Variants in IFFO2 observed in about 807,000 individuals in gnomAD.
The protein encoded by IFFO2 is intermediate filament family orphan 2.
In IFFO2, 19 loss-of-function variants were observed where a neutral mutation model predicts 53.5. The ratio of observed to expected loss-of-function variants is 0.36; its 90% confidence interval spans 0.25 to 0.52. IFFO2 has a LOEUF of 0.52. IFFO2 is among the 20% of genes least tolerant of loss of function. The probability of loss-of-function intolerance (pLI) is 0.94; values close to 1 mark genes in which losing one functional copy is unlikely to be tolerated. For missense variants in IFFO2, 570 were observed against 727.4 expected, an observed-to-expected ratio of 0.78 and a Z score of 2.49; for synonymous variants, 303 against 313.6, an observed-to-expected ratio of 0.97 and a Z score of 0.36.
chr1:18,955,230 AGTG>A (rs1936708430), intron 1 of IFFO2, among the ~76,000 whole-genome samples: 1 of 152,156 alleles, frequency 6.6e-6, no homozygotes, highest in Admixed American at 6.5e-5. Context: ...ACTAGCCAGG[AGTG>A]GTTAAAATCT....
intron 5 of IFFO2, among the ~76,000 whole-genome samples, chr1:18,915,477 C>T (rs754851175): frequency 6.6e-5 from 10 of 152,134 alleles, no homozygotes; most frequent in Non-Finnish European, 1.5e-4. Context: ...CTGGCGCCAG[C>T]AGGCTCGCCC....
intron 8 of IFFO2, 131 bp downstream of exon 8, chr1:18,910,211 A>G (rs556343770): frequency 7.7e-6 from 8 of 1,044,330 alleles, no homozygotes; most frequent in Non-Finnish European, 1.1e-5. Flanking sequence ...GGATGGATGG[A>G]TGGACGGACG....
At position 18,919,973 on chromosome 1, in the gene IFFO2, C is replaced by T. The variant is rs1042887741; in HGVS notation, c.727-200G>A. The stretch of plus-strand genomic sequence containing the variant: ...TGACTGCTTAAAACACTTTTCAAAG[C>T]GTTATCTATTACGTGGGAAAATCCA... On this transcript the variant is annotated intron_variant, in intron 2 of 8. Transcript: ENST00000455833. The surrounding 1 kb of genome is among the most constrained non-coding windows in gnomAD (Gnocchi z 4.9). Among the ~76,000 whole-genome samples the T allele has an allele frequency of 5.9e-5, 9 of 152,188 alleles. No homozygotes were observed. The highest frequency in any genetic ancestry group is 1.7e-4 in the African/African-American group (7 of 41,436).
intron 5 of IFFO2, among the ~76,000 whole-genome samples, chr1:18,914,822 C>CA (rs71030111): frequency 0.21 from 15,418 of 71,756 alleles, 1,990 homozygotes; most frequent in African/African-American, 0.42. Flanking sequence ...GGCTCCATCT[C>CA]AAAAAAAAAA....
chr1:18,918,238 C>A lies in IFFO2; in HGVS notation c.963+124G>T, dbSNP rs1434089166. The A allele has an allele frequency of 2.2e-6, 2 of 910,232 alleles. No individual in the cohort carries two copies. Among genetic ancestry groups the A allele is most frequent in the Non-Finnish European group, 3.4e-6 (2 of 596,110 alleles). 56.4% of individuals were successfully genotyped at this position (910,232 alleles called of 1,614,324 possible). A position where few individuals can be genotyped will look rare whatever the true frequency, so the allele number is the denominator to read the frequency against. On this transcript the variant is annotated intron_variant, in intron 4 of 8. Transcript: ENST00000455833. This position sits in a 1 kb window ranked among gnomAD's most constrained non-coding sequence, Gnocchi z 5.2. ...AGGCCACAGGGTCAGGTAGTGCTACCTCTCGGGGAAGGGGAGGGAGTGAGT... is the reference window on the plus strand; with the variant it reads ...AGGCCACAGGGTCAGGTAGTGCTACATCTCGGGGAAGGGGAGGGAGTGAGT...
chr1:18,933,643 A>G (rs1019481473), intron 1 of IFFO2, among the ~76,000 whole-genome samples: 1 of 152,140 alleles, frequency 6.6e-6, no homozygotes, highest in African/African-American at 2.4e-5. Context: ...TTATAGTCCC[A>G]GATACTCAGG....
intron 1 of IFFO2, among the ~76,000 whole-genome samples, chr1:18,931,920 A>C (rs1936380943): frequency 6.6e-6 from 1 of 152,248 alleles, no homozygotes; most frequent in East Asian, 1.9e-4. Flanking sequence ...ACATGGGGTC[A>C]CAGTCACTGA....
At position 18,925,746 on chromosome 1, in the gene IFFO2, C is replaced by T. The variant is rs149804805; in HGVS notation, c.666-4625G>A. 3.2e-3 allele frequency among the ~76,000 whole-genome samples: 489 copies of T among 151,716 alleles called. 3 individuals carry two copies. Among genetic ancestry groups the T allele is most frequent in the Non-Finnish European group, 5.4e-3 (370 of 67,926 alleles). On this transcript the variant is annotated intron_variant, in intron 1 of 8. Coordinates refer to ENST00000455833, the MANE Select transcript of IFFO2 (RefSeq NM_001136265.2). ...ACTTGCTAAGGAGTCAGACATTTAT[C>T]GAATGGATTGGTTGGATGGATGGAT... is the stretch of plus-strand genomic sequence containing the variant.
intron 1 of IFFO2, among the ~76,000 whole-genome samples, chr1:18,945,146 T>C (rs1480481540): frequency 6.6e-6 from 1 of 152,186 alleles, no homozygotes; most frequent in Non-Finnish European, 1.5e-5. Flanking sequence ...CTAGGTGATG[T>C]CACCTCCAGG....
chr1:18,921,776 A>G (rs1267794347), intron 1 of IFFO2, among the ~76,000 whole-genome samples: 1 of 152,112 alleles, frequency 6.6e-6, no homozygotes, highest in East Asian at 1.9e-4. Flanking sequence ...AGCGTTTACT[A>G]TGTGCCAAGC....
chr1:18,913,908 G>A (rs1290728181), intron 5 of IFFO2, among the ~76,000 whole-genome samples: 1 of 152,174 alleles, frequency 6.6e-6, no homozygotes, highest in Non-Finnish European at 1.5e-5. Flanking sequence ...TCGGCTCACT[G>A]CAGGCTCCGC....
intron 1 of IFFO2, among the ~76,000 whole-genome samples, chr1:18,940,502 A>C (rs1012642483): frequency 6.6e-6 from 1 of 152,152 alleles, no homozygotes; most frequent in African/African-American, 2.4e-5. Flanking sequence ...AAGCCCAAGC[A>C]TAGGGACTGA....
Position 18,918,801 on chromosome 1 carries a change from A to G in IFFO2, c.823-299T>C, listed in dbSNP as rs1334959683. On this transcript the variant is annotated intron_variant, in intron 3 of 8. Coordinates refer to ENST00000455833, the MANE Select transcript of IFFO2 (RefSeq NM_001136265.2). This position sits in a 1 kb window ranked among gnomAD's most constrained non-coding sequence, Gnocchi z 5.2. ...GTCCGTGTTCACTTTGTTAGAGCGAAGAAAAAAGACAACTCCCGCTGGAGA... is the reference window on the plus strand; with the variant it reads ...GTCCGTGTTCACTTTGTTAGAGCGAGGAAAAAAGACAACTCCCGCTGGAGA... 6.6e-6 allele frequency among the ~76,000 whole-genome samples: 1 copy of G among 152,102 alleles called. No homozygotes were observed. The highest frequency in any genetic ancestry group is 2.4e-5 in the African/African-American group (1 of 41,402).
At chr1:18,945,092 C>T (rs532332947) in intron 1 of IFFO2, among the ~76,000 whole-genome samples, 2 of 152,308 alleles carry the variant, frequency 1.3e-5, no homozygotes, top group African/African-American at 4.8e-5. Context: ...CTGGAACACC[C>T]TCTCTCCTTC....
At chr1:18,908,952 T>G (rs1335184032) in intron 8 of IFFO2, among the ~76,000 whole-genome samples, 1 of 152,052 alleles carries the variant, frequency 6.6e-6, no homozygotes, top group Admixed American at 6.5e-5. Context: ...ACCTAACCCA[T>G]GTCTGGGCAT....
intron 1 of IFFO2, among the ~76,000 whole-genome samples, chr1:18,948,126 T>C (rs1936613149): frequency 7.6e-6 from 1 of 130,754 alleles, no homozygotes; most frequent in Non-Finnish European, 1.8e-5. Context: ...TCACTGCACC[T>C]AGCACAAAGT....
chr1:18,916,948 C>T lies in IFFO2; in HGVS notation c.1058G>A (p.Gly353Asp). Reference sequence around the variant, plus strand: ...CATCTCATCGGTGATGTTCATGGAGCCGACCTCATCGTCCGAGAACCGGTT... The same window carrying T: ...CATCTCATCGGTGATGTTCATGGAGTCGACCTCATCGTCCGAGAACCGGTT... ...EVNRFSDDEV[G>D]SMNITDEMKR... The change falls in exon 5 of 9, where the codon GGC becomes GAC. Residue 353 changes from glycine (G) to aspartate (D), a missense_variant. Transcript: ENST00000455833. This position sits in a 1 kb window ranked among gnomAD's most constrained non-coding sequence, Gnocchi z 4.3. 6.4e-7 allele frequency: 1 copy of T among 1,551,916 alleles called. No homozygotes were observed. Among genetic ancestry groups the T allele is most frequent in the Non-Finnish European group, 8.7e-7 (1 of 1,147,054 alleles).
chr1:18,952,228 G>A (rs550364649), intron 1 of IFFO2, among the ~76,000 whole-genome samples: 6 of 152,284 alleles, frequency 3.9e-5, no homozygotes, highest in East Asian at 3.9e-4. Context: ...CCAAATCAAC[G>A]CTTGACAACC....
chr1:18,941,128 C>A (rs1936515429), intron 1 of IFFO2, among the ~76,000 whole-genome samples: 1 of 152,224 alleles, frequency 6.6e-6, no homozygotes, highest in Non-Finnish European at 1.5e-5. Context: ...ATGGACATAC[C>A]CACAGCCACC....
Sources: gnomAD v4.1 joint callset for allele counts (sites outside exome capture counted in the v4.1 genomes callset) on GRCh38, gnomAD v4.1.1 for gene constraint, Gnocchi (gnomAD v3.1) non-coding constraint, MANE v1.5 for transcripts, NCBI Gene and HGNC (gene_info 2026-07-23, HGNC 2026-07-21) for gene names.